The following XPA variants were observed in gnomAD, a reference collection of about 807,000 sequenced individuals.
The protein encoded by XPA is XPA, DNA damage recognition and repair factor.
XPA carries 27 observed loss-of-function variants against 35.7 expected under a neutral mutation model. The ratio of observed to expected loss-of-function variants is 0.76; its 90% CI spans 0.56 to 1.04. XPA has a LOEUF of 1.04. Ranked by LOEUF, XPA falls within the 50% of genes least tolerant of loss-of-function variation. The pLI, the probability that XPA is intolerant of heterozygous loss-of-function variation, is 0.00. For missense variants in XPA, 354 were observed against 342.7 expected (o/e 1.03, Z -0.26); for synonymous variants, 133 against 118.4 (o/e 1.12, Z -0.80).
the XPA span, among the ~76,000 whole-genome samples, chr9:97,654,407 A>T: frequency 1.3e-5 from 2 of 152,322 alleles, no homozygotes; most frequent in African/African-American, 4.8e-5. Flanking sequence ...CTTATTTTTT[A>T]AAGTTTTATT....
the XPA span, chr9:97,663,108 G>A: frequency 2.6e-5 from 32 of 1,236,432 alleles, no homozygotes; most frequent in African/African-American, 3.7e-4. Context: ...AAATAAGGCC[G>A]TTAATTGCCA....
the XPA span, among the ~76,000 whole-genome samples, chr9:97,660,153 T>C: frequency 1.3e-5 from 2 of 152,030 alleles, no homozygotes; most frequent in African/African-American, 2.4e-5. Context: ...CTTCGCCTTC[T>C]TTTTTTTAGA....
the XPA span, among the ~76,000 whole-genome samples, chr9:97,668,167 A>G: frequency 6.6e-6 from 1 of 152,252 alleles, no homozygotes; most frequent in Non-Finnish European, 1.5e-5. Flanking sequence ...GTAACACCTT[A>G]GAGCCACGTT....
intron 5 of XPA, 59 bp from the exon 6 acceptor site, chr9:97,675,646 T>C (rs1828338981): frequency 4.4e-6 from 7 of 1,604,412 alleles, no homozygotes; most frequent in East Asian, 2.2e-5. Flanking sequence ...AATCCAAAAA[T>C]CCAACTCCAT....
At chr9:97,670,684 G>A (rs567375389), downstream of XPA, among the ~76,000 whole-genome samples, 4 of 152,252 alleles carry the variant, frequency 2.6e-5, no homozygotes, top group South Asian at 8.3e-4. Context: ...AGAGTATTTC[G>A]TTTTCTGACT....
the XPA span, chr9:97,669,753 A>G: frequency 7.6e-7 from 1 of 1,317,166 alleles, no homozygotes; most frequent in Non-Finnish European, 1.1e-6. Flanking sequence ...CTCAGCCACA[A>G]AGATTTTTCA....
At chr9:97,675,626 T>G (rs768446053) in intron 5 of XPA, 39 bp from the exon 6 acceptor site, 8 of 1,613,408 alleles carry the variant, frequency 5.0e-6, no homozygotes, top group South Asian at 4.4e-5. Context: ...TCAGTGGTGC[T>G]ATTCAGGTGA....
chr9:97,657,293 T>C, the XPA span, among the ~76,000 whole-genome samples: 15 of 152,192 alleles, frequency 9.9e-5, no homozygotes, highest in Admixed American at 9.8e-4. Context: ...CAGGTACATA[T>C]ATAGTGTTGA....
chr9:97,661,357 T>C, the XPA span, among the ~76,000 whole-genome samples: 1 of 152,216 alleles, frequency 6.6e-6, no homozygotes, highest in Non-Finnish European at 1.5e-5. Context: ...AGTTCCTGAA[T>C]AGAAAGACTT....
chr9:97,664,435 C>T, the XPA span: 2 of 1,596,804 alleles, frequency 1.3e-6, no homozygotes, highest in Admixed American at 1.7e-5. Flanking sequence ...TATCTCGTGA[C>T]TTTACCAGGT....
At chr9:97,696,581 A>G (rs879618420) in intron 1 of XPA, among the ~76,000 whole-genome samples, 4 of 152,132 alleles carry the variant, frequency 2.6e-5, no homozygotes, top group African/African-American at 7.2e-5. Context: ...TCTCCTCCAC[A>G]TAAGTAAGCG....
At chr9:97,660,507 C>T in the XPA span, among the ~76,000 whole-genome samples, 2 of 152,154 alleles carry the variant, frequency 1.3e-5, no homozygotes, top group Non-Finnish European at 2.9e-5. Context: ...CTTGTTGAGA[C>T]TCAGACTTCA....
At chr9:97,677,370 A>G (rs1828398244) in intron 5 of XPA, among the ~76,000 whole-genome samples, 1 of 152,160 alleles carries the variant, frequency 6.6e-6, no homozygotes, top group Non-Finnish European at 1.5e-5. Context: ...ACATTCCTAG[A>G]AAAACTTGTG....
the XPA span, among the ~76,000 whole-genome samples, chr9:97,657,885 G>GCT: frequency 0.082 from 9,252 of 113,268 alleles, 607 homozygotes; most frequent in African/African-American, 0.094. Flanking sequence ...GCCCCGGTAA[G>GCT]CTCTCTCTCT....
chr9:97,676,999 C>T (rs1166093740), intron 5 of XPA, among the ~76,000 whole-genome samples: 1 of 152,156 alleles, frequency 6.6e-6, no homozygotes, highest in Admixed American at 6.5e-5. Context: ...CTAACCAGAA[C>T]TCCACAGATG....
downstream of XPA, among the ~76,000 whole-genome samples, chr9:97,670,933 G>T (rs1424273183): frequency 6.6e-6 from 1 of 152,004 alleles, no homozygotes; most frequent in Non-Finnish European, 1.5e-5. Flanking sequence ...TAATGTTGGG[G>T]ATTTTCAGGG....
intron 4 of XPA, 114 bp from the exon 5 acceptor site, chr9:97,685,154 A>G: frequency 1.4e-6 from 1 of 731,732 alleles, no homozygotes; most frequent in South Asian, 1.9e-5. Context: ...GTATAAATTT[A>G]TAAATACTTA....
intron 3 of XPA, among the ~76,000 whole-genome samples, chr9:97,688,865 A>G (rs950733663): frequency 6.6e-6 from 1 of 152,234 alleles, no homozygotes; most frequent in African/African-American, 2.4e-5. Flanking sequence ...CTGTAGGGAC[A>G]AAGTAAGCAC....
chr9:97,675,716 A>AC (rs1828343830), intron 5 of XPA, 129 bp from the exon 6 acceptor site: 1 of 1,155,790 alleles, frequency 8.7e-7, no homozygotes, highest in Non-Finnish European at 1.3e-6. Flanking sequence ...TATATAGTTT[A>AC]CCTTAATTTT....
Sources: allele counts gnomAD v4.1 joint callset (sites outside exome capture counted in the v4.1 genomes callset), GRCh38; gene constraint gnomAD v4.1.1; transcripts MANE v1.5; gene names NCBI Gene and HGNC (gene_info 2026-07-23, HGNC 2026-07-21).